ADGRB3: variants seen among roughly 807,000 people sequenced by gnomAD.
The protein encoded by ADGRB3 is brain-specific angiogenesis inhibitor 3.
A neutral mutation model predicts 193.4 loss-of-function variants in ADGRB3; 37 were observed. That is an observed-to-expected ratio of 0.19 (90% CI 0.15 to 0.25). The LOEUF (loss-of-function observed/expected upper bound fraction) is 0.25, where lower values mean the gene tolerates loss of function less well. ADGRB3 is among the 10% of genes least tolerant of loss of function. The pLI is 1.00. For synonymous variants in ADGRB3, 690 were observed against 644.2 expected (o/e 1.07, Z -1.08); for missense variants, 1,637 against 1,852.9 (o/e 0.88, Z 2.14).
intron 8 of ADGRB3, among the ~76,000 whole-genome samples, chr6:68,960,047 G>T (rs1481099236): frequency 1.3e-5 from 2 of 152,134 alleles, no homozygotes; most frequent in African/African-American, 4.8e-5. Context: ...AAGTGTTACT[G>T]CTGGACTGTC....
chr6:69,064,261 G>A lies in ADGRB3; in HGVS notation c.2436+1225G>A, dbSNP rs1305384044. ...CTGCAATAACTTTCAAAGATCATTT[G>A]ATATTTAAACTATTTAACTTTAAAC... On this transcript the variant is annotated intron_variant, in intron 16 of 31. Transcript: ENST00000370598. Among the ~76,000 whole-genome samples the A allele has an allele frequency of 3.3e-5, 5 of 151,518 alleles. No homozygotes were observed. The East Asian group carries it at 9.7e-4, about 29-fold the overall frequency.
intron 17 of ADGRB3, among the ~76,000 whole-genome samples, chr6:69,200,442 A>G (rs1169460207): frequency 2.0e-5 from 3 of 152,144 alleles, no homozygotes; most frequent in Non-Finnish European, 4.4e-5. Flanking sequence ...AAAGTTAGTA[A>G]AGGGAGATCT....
intron 19 of ADGRB3, among the ~76,000 whole-genome samples, chr6:69,238,469 G>T (rs1187256508): frequency 2.0e-5 from 3 of 151,970 alleles, no homozygotes; most frequent in Admixed American, 2.0e-4. Context: ...TATGGCAGAT[G>T]TCAAGTGATT....
intron 3 of ADGRB3, among the ~76,000 whole-genome samples, chr6:68,848,247 G>T (rs928552297): frequency 1.3e-5 from 2 of 152,022 alleles, no homozygotes; most frequent in African/African-American, 4.8e-5. Context: ...TGGTTATTCA[G>T]TCCAATGATC....
chr6:68,913,381 G>T (rs992713645), intron 3 of ADGRB3, among the ~76,000 whole-genome samples: 1 of 152,214 alleles, frequency 6.6e-6, no homozygotes, highest in Non-Finnish European at 1.5e-5. Flanking sequence ...AACATTCGTG[G>T]TTCACGAAAA....
intron 6 of ADGRB3, among the ~76,000 whole-genome samples, chr6:68,946,870 C>T (rs1156620052): frequency 6.6e-6 from 1 of 152,064 alleles, no homozygotes. Flanking sequence ...TTGTTTGTAT[C>T]AAACAATGAA....
intron 20 of ADGRB3, among the ~76,000 whole-genome samples, chr6:69,303,212 G>A (rs1022484194): frequency 6.6e-6 from 1 of 151,802 alleles, no homozygotes; most frequent in Non-Finnish European, 1.5e-5. Context: ...ATCCTTATAT[G>A]AGATGAACAC....
intron 11 of ADGRB3, among the ~76,000 whole-genome samples, chr6:69,013,576 G>C (rs1770000860): frequency 6.6e-6 from 1 of 152,068 alleles, no homozygotes. Flanking sequence ...TTTCAACTGA[G>C]GGAGCCTGTC....
intron 3 of ADGRB3, among the ~76,000 whole-genome samples, chr6:68,645,686 T>C (rs1177236606): frequency 1.3e-5 from 2 of 152,172 alleles, no homozygotes; most frequent in East Asian, 3.9e-4. Context: ...CTTTTTTCTT[T>C]TTTGAGACGG....
intron 11 of ADGRB3, 76 bp downstream of exon 11, chr6:68,994,038 C>A: frequency 2.1e-6 from 3 of 1,452,068 alleles, no homozygotes; most frequent in Non-Finnish European, 1.9e-6. Context: ...GCCAGTGCAG[C>A]CGTCTTGGAG....
intron 17 of ADGRB3, among the ~76,000 whole-genome samples, chr6:69,095,121 T>C (rs1331904030): frequency 2.0e-5 from 3 of 152,216 alleles, no homozygotes; most frequent in African/African-American, 7.2e-5. Flanking sequence ...AGTAATTGAA[T>C]GGTCTTATCA....
intron 15 of ADGRB3, among the ~76,000 whole-genome samples, chr6:69,059,721 ATAAAT>A (rs1771665241): frequency 6.6e-6 from 1 of 152,172 alleles, no homozygotes; most frequent in Non-Finnish European, 1.5e-5. Flanking sequence ...AATTGATGGA[ATAAAT>A]TAAAGACAAT....
chr6:69,126,895 A>G (rs1259579677), intron 17 of ADGRB3, among the ~76,000 whole-genome samples: 1 of 152,180 alleles, frequency 6.6e-6, no homozygotes, highest in Non-Finnish European at 1.5e-5. Flanking sequence ...CTCCTAAATT[A>G]AAGGACTCTT....
chr6:69,075,294 A>C (rs962088764), intron 16 of ADGRB3, among the ~76,000 whole-genome samples: 2 of 152,220 alleles, frequency 1.3e-5, no homozygotes, highest in Admixed American at 1.3e-4. Context: ...CAGAATCTGT[A>C]GAAACATGTA....
chr6:68,758,503 C>T (rs971605309), intron 3 of ADGRB3, among the ~76,000 whole-genome samples: 2 of 152,114 alleles, frequency 1.3e-5, no homozygotes, highest in Non-Finnish European at 2.9e-5. Context: ...TCCAGTTGTA[C>T]TGCATTTCCT....
At chr6:68,912,492 A>T (rs1766743227) in intron 3 of ADGRB3, among the ~76,000 whole-genome samples, 1 of 151,940 alleles carries the variant, frequency 6.6e-6, no homozygotes, top group Non-Finnish European at 1.5e-5. Flanking sequence ...AGCATTAGGT[A>T]TATCTCCTAA....
intron 3 of ADGRB3, among the ~76,000 whole-genome samples, chr6:68,669,603 A>ATT (rs1029232854): frequency 8.6e-6 from 1 of 116,830 alleles, no homozygotes; most frequent in Non-Finnish European, 1.7e-5. Flanking sequence ...ATAATACTCC[A>ATT]TTGTGTGTGT....
intron 17 of ADGRB3, among the ~76,000 whole-genome samples, chr6:69,134,757 T>A (rs773654511): frequency 2.0e-5 from 3 of 151,940 alleles, no homozygotes; most frequent in Non-Finnish European, 4.4e-5. Flanking sequence ...GTATGGTGTG[T>A]GTGTATATAT....
intron 30 of ADGRB3, among the ~76,000 whole-genome samples, chr6:69,376,082 CTTTTT>C (rs58780409): frequency 4.5e-5 from 3 of 67,368 alleles, no homozygotes; most frequent in Admixed American, 1.9e-4. Flanking sequence ...ATTATGTAGC[CTTTTT>C]TTTTTTTTTT....
Sources: allele counts gnomAD v4.1 joint callset (sites outside exome capture counted in the v4.1 genomes callset), GRCh38; gene constraint gnomAD v4.1.1; transcripts MANE v1.5; gene names NCBI Gene and HGNC (gene_info 2026-07-23, HGNC 2026-07-21).